Variants in PALLD observed in about 807,000 individuals in gnomAD.
The protein encoded by PALLD is palladin.
Under a neutral mutation model 123.5 loss-of-function variants are expected in PALLD, and 61 were observed. That is an observed-to-expected ratio of 0.49 (90% CI 0.40 to 0.61). The LOEUF (loss-of-function observed/expected upper bound fraction) is 0.61, where lower values mean the gene tolerates loss of function less well. Among genes scored for constraint, PALLD ranks in the 20% least tolerant of loss-of-function variants. PALLD has a pLI of 0.00. For synonymous variants in PALLD, 465 were observed against 496.4 expected (o/e 0.94, Z 0.84); for missense variants, 1,273 against 1,377.0 (o/e 0.92, Z 1.20).
At chr4:168,508,903 G>A (rs1411238550) in intron 1 of PALLD, among the ~76,000 whole-genome samples, 1 of 152,028 alleles carries the variant, frequency 6.6e-6, no homozygotes, top group East Asian at 1.9e-4. Context: ...CATGTGTGCT[G>A]ACTGAGGGGC....
At chr4:168,755,076 C>CA (rs1321307668) in intron 10 of PALLD, among the ~76,000 whole-genome samples, 4 of 151,796 alleles carry the variant, frequency 2.6e-5, no homozygotes, top group East Asian at 1.9e-4. Flanking sequence ...ACTAAAAATA[C>CA]AAAAAAATTA....
At chr4:168,658,285 G>GTTTTTTTTTTTTTTTTT (rs66527351) in intron 2 of PALLD, among the ~76,000 whole-genome samples, 1 of 131,646 alleles carries the variant, frequency 7.6e-6, no homozygotes, top group Non-Finnish European at 1.6e-5. Flanking sequence ...TTTTTATTTG[G>GTTTTTTTTTTTTTTTTT]TTTTTTTTTT....
chr4:168,766,040 G>T (rs1733617366), intron 10 of PALLD, among the ~76,000 whole-genome samples: 2 of 152,190 alleles, frequency 1.3e-5, no homozygotes, highest in South Asian at 4.2e-4. Flanking sequence ...CCTTTCTGTA[G>T]GGATTTCACA....
intron 10 of PALLD, among the ~76,000 whole-genome samples, chr4:168,735,322 TC>T (rs904423815): frequency 2.6e-5 from 4 of 151,976 alleles, no homozygotes; most frequent in Admixed American, 2.6e-4. Flanking sequence ...ATTCAGTATA[TC>T]CCCCAAACAG....
At chr4:168,639,683 A>G (rs1043320741) in intron 2 of PALLD, among the ~76,000 whole-genome samples, 3 of 151,968 alleles carry the variant, frequency 2.0e-5, no homozygotes, top group Non-Finnish European at 4.4e-5. Context: ...AGCTGGGACT[A>G]CAGGCACCCA....
intron 2 of PALLD, among the ~76,000 whole-genome samples, chr4:168,540,987 A>G (rs1007336983): frequency 2.6e-5 from 4 of 152,354 alleles, no homozygotes; most frequent in African/African-American, 9.6e-5. Context: ...TTGTTGACCT[A>G]TCATGGAGAC....
chr4:168,791,908 A>C (rs1357056511), intron 10 of PALLD, among the ~76,000 whole-genome samples: 2 of 152,128 alleles, frequency 1.3e-5, no homozygotes, highest in Non-Finnish European at 2.9e-5. Flanking sequence ...TTCTAAAAAA[A>C]AGCAAACAAA....
intron 2 of PALLD, among the ~76,000 whole-genome samples, chr4:168,587,709 A>G (rs1225848302): frequency 6.6e-6 from 1 of 152,082 alleles, no homozygotes; most frequent in African/African-American, 2.4e-5. Context: ...CAGTGCTACT[A>G]AGACTAAGGA....
chr4:168,861,676 T>A (rs1252023637), intron 10 of PALLD, among the ~76,000 whole-genome samples: 3 of 152,108 alleles, frequency 2.0e-5, no homozygotes, highest in East Asian at 1.9e-4. Context: ...TAATTTTTTT[T>A]TATTTTTTTA....
intron 12 of PALLD, among the ~76,000 whole-genome samples, chr4:168,895,614 T>G (rs1754960839): frequency 6.6e-6 from 1 of 152,138 alleles, no homozygotes; most frequent in Admixed American, 6.5e-5. Context: ...TGGAAGTGGG[T>G]CATCATAAAG....
chr4:168,598,693 A>T, intron 2 of PALLD: 2 of 356,546 alleles, frequency 5.6e-6, no homozygotes. Context: ...TCTAGGTTCC[A>T]CCTTTGTTTT....
intron 2 of PALLD, among the ~76,000 whole-genome samples, chr4:168,570,074 C>T (rs189733812): frequency 1.3e-5 from 2 of 152,162 alleles, no homozygotes; most frequent in African/African-American, 4.8e-5. Flanking sequence ...AACAGGGAAC[C>T]GGGCTTCAAA....
At chr4:168,588,069 G>A (rs930387885) in intron 2 of PALLD, among the ~76,000 whole-genome samples, 4 of 152,070 alleles carry the variant, frequency 2.6e-5, no homozygotes, top group African/African-American at 9.7e-5. Flanking sequence ...TTGGATCTGG[G>A]TCAGTCTCGA....
At chr4:168,802,202 A>G (rs557545854) in intron 10 of PALLD, among the ~76,000 whole-genome samples, 226 of 152,334 alleles carry the variant, frequency 1.5e-3, no homozygotes, top group African/African-American at 4.8e-3. Flanking sequence ...ATCTTCTCAC[A>G]TAGCCAGAGT....
chr4:168,817,814 T>A (rs1561557999), intron 10 of PALLD, among the ~76,000 whole-genome samples: 1 of 152,224 alleles, frequency 6.6e-6, no homozygotes, highest in South Asian at 2.1e-4. Context: ...AAGACATTCA[T>A]CCTGGGTAAG....
intron 2 of PALLD, among the ~76,000 whole-genome samples, chr4:168,540,538 C>T (rs1257712394): frequency 6.6e-6 from 1 of 151,966 alleles, no homozygotes; most frequent in African/African-American, 2.4e-5. Context: ...TTCAGTTAGA[C>T]AAGAGCCTGG....
intron 10 of PALLD, among the ~76,000 whole-genome samples, chr4:168,787,107 A>C (rs940547006): frequency 4.6e-5 from 7 of 152,198 alleles, no homozygotes; most frequent in African/African-American, 1.4e-4. Flanking sequence ...AATTTCAAAG[A>C]AATGTTTACA....
intron 3 of PALLD, chr4:168,678,000 C>T (rs1781039162): frequency 6.6e-6 from 1 of 152,472 alleles, no homozygotes; most frequent in Admixed American, 6.5e-5. Context: ...CCCAGACAAG[C>T]TTTACCACTT....
At chr4:168,500,336 G>A (rs1761268209) in intron 1 of PALLD, among the ~76,000 whole-genome samples, 1 of 152,118 alleles carries the variant, frequency 6.6e-6, no homozygotes, top group African/African-American at 2.4e-5. Context: ...GATTCATGGG[G>A]ATCATGCCAG....
Sources: gnomAD v4.1 joint callset for allele counts (sites outside exome capture counted in the v4.1 genomes callset) on GRCh38, gnomAD v4.1.1 for gene constraint, MANE v1.5 for transcripts, NCBI Gene and HGNC (gene_info 2026-07-23, HGNC 2026-07-21) for gene names.